The following CNKSR2 variants were observed in gnomAD, a reference collection of about 807,000 sequenced individuals.
The protein encoded by CNKSR2 is connector enhancer of kinase suppressor of Ras 2.
Under a neutral mutation model 84.4 loss-of-function variants are expected in CNKSR2, and 14 were observed. That is an observed-to-expected ratio of 0.17 (90% CI 0.11 to 0.26). The LOEUF (loss-of-function observed/expected upper bound fraction) is 0.26. CNKSR2 is among the 10% of genes least tolerant of loss of function. The probability of loss-of-function intolerance (pLI) is 1.00; values close to 1 mark genes in which losing one functional copy is unlikely to be tolerated. For missense variants in CNKSR2, 485 were observed against 771.2 expected, an observed-to-expected ratio of 0.63 and a Z score of 4.40; for synonymous variants, 275 against 277.9, an observed-to-expected ratio of 0.99 and a Z score of 0.10.
intron 5 of CNKSR2, among the ~76,000 whole-genome samples, chrX:21,480,820 GATT>G (rs1601843738): frequency 8.9e-6 from 1 of 112,010 alleles, no homozygotes; most frequent in Non-Finnish European, 1.9e-5. Context: ...ATTCTTAGAT[GATT>G]ATTATCTTAA....
chrX:21,582,758 G>A (rs1157374547), intron 13 of CNKSR2, among the ~76,000 whole-genome samples: 8 of 111,834 alleles, frequency 7.2e-5, no homozygotes, highest in Non-Finnish European at 1.5e-4. Context: ...ATTATTTTGA[G>A]CTAAGGATGG....
At chrX:21,424,707 C>T (rs2090542431) in intron 1 of CNKSR2, 2 of 111,658 alleles carry the variant, frequency 1.8e-5, no homozygotes, top group South Asian at 7.4e-4. Context: ...TCTTATTTAC[C>T]CTTTTATCTC....
At chrX:21,518,277 A>G (rs1250415535) in intron 9 of CNKSR2, among the ~76,000 whole-genome samples, 1 of 110,895 alleles carries the variant, frequency 9.0e-6, no homozygotes, top group Non-Finnish European at 1.9e-5. Context: ...ATCCTTCTTC[A>G]AAGTGTAAGG....
chrX:21,389,977 A>G (rs946917917), intron 1 of CNKSR2, among the ~76,000 whole-genome samples: 11 of 112,259 alleles, frequency 9.8e-5, no homozygotes, highest in Non-Finnish European at 2.1e-4. Context: ...TTAAATGTAC[A>G]TGGATAGGAT....
intron 8 of CNKSR2, chrX:21,503,950 A>G (rs2091585280): frequency 9.0e-6 from 1 of 111,575 alleles, no homozygotes; most frequent in Non-Finnish European, 1.9e-5. Context: ...TTCTTGGCAT[A>G]CTGCTACTAG....
chrX:21,521,910 A>G (rs1333626350), intron 9 of CNKSR2, among the ~76,000 whole-genome samples: 1 of 110,871 alleles, frequency 9.0e-6, no homozygotes, highest in African/African-American at 3.3e-5. Flanking sequence ...GAGTGGGAGA[A>G]TTTTGAATAT....
intron 13 of CNKSR2, among the ~76,000 whole-genome samples, chrX:21,567,912 G>A (rs1384345580): frequency 1.8e-5 from 2 of 110,079 alleles, no homozygotes; most frequent in African/African-American, 6.6e-5. Flanking sequence ...TTTAAATCTT[G>A]TAGGACTTAT....
rs1425320143 is a variant in CNKSR2, at chrX:21,654,284, A to C, written c.*1763A>C. 1 of 106,989 alleles carries C rather than the reference A, an allele frequency of 9.3e-6. No individual in the cohort carries two copies. The highest frequency in any genetic ancestry group is 3.4e-5 in the African/African-American group (1 of 29,630). 8.8% of individuals were successfully genotyped at this position (106,989 alleles called of 1,213,427 possible). On this transcript the variant is annotated 3_prime_UTR_variant, in exon 22 of 22. Coordinates refer to ENST00000379510, the MANE Select transcript of CNKSR2 (RefSeq NM_014927.5). Reference sequence around the variant, plus strand: ...GATTTTGTATATGTAAAAAAAAAAAAAAAAAAAAAACAAAAAACCTCTTGT... The same window carrying C: ...GATTTTGTATATGTAAAAAAAAAAACAAAAAAAAAACAAAAAACCTCTTGT...
chrX:21,439,115 A>G (rs960751389), intron 3 of CNKSR2, among the ~76,000 whole-genome samples: 8 of 111,698 alleles, frequency 7.2e-5, no homozygotes, highest in Non-Finnish European at 7.6e-5. Context: ...TCATCCAACA[A>G]CAGGAGAATA....
At chrX:21,539,911 G>A (rs1014563243) in intron 11 of CNKSR2, among the ~76,000 whole-genome samples, 1 of 112,082 alleles carries the variant, frequency 8.9e-6, no homozygotes, top group African/African-American at 3.2e-5. Context: ...ACAGTTTAAT[G>A]TATTTACCTT....
intron 5 of CNKSR2, among the ~76,000 whole-genome samples, chrX:21,474,632 A>G (rs1373499980): frequency 8.9e-6 from 1 of 112,006 alleles, no homozygotes; most frequent in Non-Finnish European, 1.9e-5. Flanking sequence ...AACTGAAGTG[A>G]AGCAGATTGC....
At chrX:21,625,424 A>G (rs921592470) in intron 20 of CNKSR2, among the ~76,000 whole-genome samples, 5 of 111,858 alleles carry the variant, frequency 4.5e-5, no homozygotes, top group African/African-American at 1.6e-4. Flanking sequence ...CCCTTCCAAC[A>G]TTTCCCCAAA....
At chrX:21,418,459 G>C (rs976550762) in intron 1 of CNKSR2, among the ~76,000 whole-genome samples, 4 of 111,514 alleles carry the variant, frequency 3.6e-5, no homozygotes, top group Admixed American at 9.5e-5. Flanking sequence ...ACTTCCTTTA[G>C]CATTTCTTGC....
intron 20 of CNKSR2, among the ~76,000 whole-genome samples, chrX:21,625,771 C>T (rs961050635): frequency 5.4e-5 from 6 of 111,866 alleles, no homozygotes; most frequent in Non-Finnish European, 1.1e-4. Context: ...CTACATAGTT[C>T]ACCCCAAAAA....
chrX:21,584,096 C>G (rs1373302231), intron 13 of CNKSR2, among the ~76,000 whole-genome samples: 2 of 112,057 alleles, frequency 1.8e-5, no homozygotes, highest in African/African-American at 6.5e-5. Flanking sequence ...ATTTAATGTA[C>G]TTTTGCCAGG....
intron 1 of CNKSR2, among the ~76,000 whole-genome samples, chrX:21,389,438 A>T (rs1321699915): frequency 9.0e-6 from 1 of 111,090 alleles, no homozygotes; most frequent in Non-Finnish European, 1.9e-5. Context: ...TTTTCTGTAG[A>T]TGTAAAACTA....
At position 21,380,443 on chromosome X, in the gene CNKSR2, CTTT is replaced by C. The variant is rs1213793885; in HGVS notation, c.64+5501_64+5503del. Among the ~76,000 whole-genome samples, 218 of 70,294 alleles carry C rather than the reference CTTT, an allele frequency of 3.1e-3. 3 individuals carry two copies. In the South Asian group the frequency reaches 0.038, roughly 12 times the overall value. 61.0% of individuals were successfully genotyped at this position (70,294 alleles called of 115,157 possible). A position where few individuals can be genotyped will look rare whatever the true frequency, so the allele number is the denominator to read the frequency against. On this transcript the variant is annotated intron_variant, in intron 1 of 21. Transcript: ENST00000379510. ...ACCCTAGATTAGGGCTCAATTTGTT[CTTT>C]TTTTTTTTTTTTTTTTTTGAGATAG...
chrX:21,410,735 G>A (rs1375110799), intron 1 of CNKSR2, among the ~76,000 whole-genome samples: 1 of 110,990 alleles, frequency 9.0e-6, no homozygotes, highest in Non-Finnish European at 1.9e-5. Context: ...ATTTCAGTTA[G>A]CCTAGTATTT....
chrX:21,546,348 T>C (rs1315257593), intron 11 of CNKSR2, among the ~76,000 whole-genome samples: 2 of 108,205 alleles, frequency 1.8e-5, no homozygotes, highest in African/African-American at 6.7e-5. Context: ...CTTAATGAAA[T>C]AAAGCGTGAA....
Sources: allele counts gnomAD v4.1 joint callset (sites outside exome capture counted in the v4.1 genomes callset), GRCh38; gene constraint gnomAD v4.1.1; transcripts MANE v1.5; gene names NCBI Gene and HGNC (gene_info 2026-07-23, HGNC 2026-07-21).